The following PDIA3 variants were observed in gnomAD, a reference collection of about 807,000 sequenced individuals.
The protein encoded by PDIA3 is protein disulfide isomerase family A member 3.
A neutral mutation model predicts 56.9 loss-of-function variants in PDIA3; 16 were observed. The observed-to-expected ratio is 0.28, with a 90% confidence interval of 0.19 to 0.43. The LOEUF (loss-of-function observed/expected upper bound fraction) is 0.43, where lower values mean the gene tolerates loss of function less well. Ranked by LOEUF, PDIA3 falls within the 20% of genes least tolerant of loss-of-function variation. The pLI is 1.00. For missense variants in PDIA3, 485 were observed against 621.3 expected (o/e 0.78, Z 2.33); for synonymous variants, 192 against 216.5 (o/e 0.89, Z 0.99).
rs2086815574 is a variant in PDIA3, at chr15:43,761,443, G to A, written c.384G>A (p.Leu128=). The change falls in exon 4 of 13, where the codon TTG becomes TTA. Residue 128 remains leucine (L), a synonymous_variant. Coordinates refer to ENST00000300289, the MANE Select transcript of PDIA3 (RefSeq NM_005313.5). ...TCTAAGATGGAATTGTCAGCCACTT[G>A]AAGAAGCAGGCAGGACCAGCTTCAG... ...PRTADGIVSH[L]KKQAGPASVP... 3 of 1,592,704 alleles carry A rather than the reference G, an allele frequency of 1.9e-6. No homozygotes were observed. Among genetic ancestry groups the A allele is most frequent in the Non-Finnish European group, 2.6e-6 (3 of 1,165,714 alleles).
chr15:43,757,728 G>A (rs1363297198), intron 3 of PDIA3, among the ~76,000 whole-genome samples: 1 of 151,988 alleles, frequency 6.6e-6, no homozygotes, highest in Non-Finnish European at 1.5e-5. Flanking sequence ...TGGGCGTGGT[G>A]GCACATGCCT....
chr15:43,773,062 G>A lies in PDIA3; in HGVS notation c.*1844G>A. The A allele has an allele frequency of 6.7e-7, 1 of 1,484,948 alleles. No individual in the cohort carries two copies. Among genetic ancestry groups the A allele is most frequent in the Admixed American group, 2.1e-5 (1 of 46,624 alleles). 92.0% of individuals were successfully genotyped at this position (1,484,948 alleles called of 1,614,324 possible). On this transcript the variant is annotated 3_prime_UTR_variant, in exon 13 of 13. Coordinates refer to ENST00000300289, the MANE Select transcript of PDIA3 (RefSeq NM_005313.5). ...GTTGCATTCTATTTAGTTTATAGCT[G>A]CTTTGTTCCTTTGTGTTTCACTAAG...
In PDIA3 at chr15:43,771,322, G is replaced by A. The variant is rs947905226; in HGVS notation, c.*104G>A. Reference sequence around the variant, plus strand: ...ATGGGAATTATTACCTCTCAGGGCCGAGAGGACAGAATGGATATAATCTGA... The same window carrying A: ...ATGGGAATTATTACCTCTCAGGGCCAAGAGGACAGAATGGATATAATCTGA... On this transcript the variant is annotated 3_prime_UTR_variant, in exon 13 of 13. Transcript: ENST00000300289. 4.4e-6 allele frequency: 3 copies of A among 681,744 alleles called. No individual in the cohort carries two copies. The highest frequency in any genetic ancestry group is 3.6e-5 in the South Asian group (2 of 55,654). 42.2% of individuals were successfully genotyped at this position (681,744 alleles called of 1,614,324 possible). A position where few individuals can be genotyped will look rare whatever the true frequency, so the allele number is the denominator to read the frequency against.
At chr15:43,765,714 A>G (rs1161312530) in intron 6 of PDIA3, 148 bp downstream of exon 6, 1 of 847,068 alleles carries the variant, frequency 1.2e-6, no homozygotes, top group Non-Finnish European at 1.9e-6. Context: ...TAAAGCAGTA[A>G]TGTGTGGGTG....
chr15:43,751,608 G>A, intron 1 of PDIA3: 1 of 1,304,076 alleles, frequency 7.7e-7, no homozygotes, highest in Non-Finnish European at 1.0e-6. Context: ...GATTTGAAGA[G>A]GAGAGTCTCC....
chr15:43,762,960 C>G lies in PDIA3; in HGVS notation c.473-117C>G, dbSNP rs548471011. The G allele has an allele frequency of 4.6e-4, 456 of 990,906 alleles. 4 individuals are homozygous for G. Among genetic ancestry groups the G allele is most frequent in the Admixed American group, 2.4e-3 (105 of 43,946 alleles). The allele number at this position is 990,906 out of a possible 1,614,324, so 61.4% of individuals were successfully genotyped here. On this transcript the variant is annotated intron_variant, in intron 4 of 12. Coordinates refer to ENST00000300289, the MANE Select transcript of PDIA3 (RefSeq NM_005313.5). ...TCTGAGGTAGTCATGGCAAAGCAGACCCAGTCCTCAAAATAGAATGAAATG... is the reference window on the plus strand; with the variant it reads ...TCTGAGGTAGTCATGGCAAAGCAGAGCCAGTCCTCAAAATAGAATGAAATG...
chr15:43,747,573 TTGTG>T lies in PDIA3; in HGVS notation c.167+879_167+882del, dbSNP rs541025785. Among the ~76,000 whole-genome samples the T allele has an allele frequency of 6.4e-3, 975 of 151,504 alleles. 10 individuals carry two copies. Among genetic ancestry groups the T allele is most frequent in the African/African-American group, 0.022 (924 of 41,336 alleles). ...TTGAGTGTTTGTTTTTTTTTTTTAT[TTGTG>T]TGTGTGTGTGTTTTTAAACCTCCAG... is the stretch of plus-strand genomic sequence containing the variant. On this transcript the variant is annotated intron_variant, in intron 1 of 12. Transcript: ENST00000300289.
At chr15:43,746,800 C>A (rs1475913278) in intron 1 of PDIA3, 94 bp downstream of exon 1, 1 of 1,391,260 alleles carries the variant, frequency 7.2e-7, no homozygotes, top group East Asian at 2.3e-5. Context: ...CGCCGGGGCC[C>A]TTCATTCCTG....
Position 43,773,145 on chromosome 15 carries a change from C to T in PDIA3, c.*1927C>T, listed in dbSNP as rs1274471162. The T allele has an allele frequency of 1.2e-6, 2 of 1,612,168 alleles. No homozygotes were observed. Among genetic ancestry groups the T allele is most frequent in the Non-Finnish European group, 1.7e-6 (2 of 1,179,484 alleles). ...CTGCCCCTGTTCTTTTCCTCAAACTCCAGGATGAGACCTTTAATGTGGGAC... is the reference window on the plus strand; with the variant it reads ...CTGCCCCTGTTCTTTTCCTCAAACTTCAGGATGAGACCTTTAATGTGGGAC... On this transcript the variant is annotated 3_prime_UTR_variant, in exon 13 of 13. Coordinates refer to ENST00000300289, the MANE Select transcript of PDIA3 (RefSeq NM_005313.5).
Position 43,772,904 on chromosome 15 carries a change from T to C in PDIA3, c.*1686T>C, listed in dbSNP as rs1242865918. The C allele has an allele frequency of 9.7e-6, 4 of 412,598 alleles. No individual in the cohort carries two copies. The highest frequency in any genetic ancestry group is 4.2e-5 in the Admixed American group (1 of 23,928). 25.6% of individuals were successfully genotyped at this position (412,598 alleles called of 1,614,324 possible). A position where few individuals can be genotyped will look rare whatever the true frequency, so the allele number is the denominator to read the frequency against. On this transcript the variant is annotated 3_prime_UTR_variant, in exon 13 of 13. Transcript: ENST00000300289. Reference sequence around the variant, plus strand: ...GCCTCTGTCACTTTTCCTAGACTCCTAGGCACAGCTATGGAGTCTTTGCAC... The same window carrying C: ...GCCTCTGTCACTTTTCCTAGACTCCCAGGCACAGCTATGGAGTCTTTGCAC...
At chr15:43,757,340 C>G (rs1157083113) in intron 3 of PDIA3, among the ~76,000 whole-genome samples, 1 of 151,990 alleles carries the variant, frequency 6.6e-6, no homozygotes, top group East Asian at 1.9e-4. Flanking sequence ...AGGTGGATCA[C>G]GAGGTCAGGA....
chr15:43,754,343 G>A lies in PDIA3; in HGVS notation c.246+441G>A, dbSNP rs542393564. Among the ~76,000 whole-genome samples the A allele has an allele frequency of 3.4e-5, 5 of 146,792 alleles. No homozygotes were observed. The South Asian group carries it at 8.6e-4, about 25-fold the overall frequency. On this transcript the variant is annotated intron_variant, in intron 2 of 12. Coordinates refer to ENST00000300289, the MANE Select transcript of PDIA3 (RefSeq NM_005313.5). Reference sequence around the variant, plus strand: ...CAGGAGATGAAGGTTTCAGTGAGCCGAGATCGGGCCACTGCACTCCAGCCT... The same window carrying A: ...CAGGAGATGAAGGTTTCAGTGAGCCAAGATCGGGCCACTGCACTCCAGCCT...
Position 43,771,180 on chromosome 15 carries a change from A to G in PDIA3, c.1480A>G (p.Lys494Glu). 1 of 1,612,222 alleles carries G rather than the reference A, an allele frequency of 6.2e-7. No individual in the cohort carries two copies. The highest frequency in any genetic ancestry group is 8.5e-7 in the Non-Finnish European group (1 of 1,179,676). ...AAACCCCCCTGTAATTCAAGAAGAA[A>G]AACCCAAGAAGAAGAAGAAGGCACA... Reference protein sequence around the residue: ...ATNPPVIQEEKPKKKKKAQED... With the variant: ...ATNPPVIQEEEPKKKKKAQED... Residue 494 changes from lysine to glutamate, a missense_variant, in exon 13 of 13, where the codon AAA becomes GAA. By Grantham distance (56) the Lys-to-Glu change is moderately conservative. Transcript: ENST00000300289.
intron 4 of PDIA3, among the ~76,000 whole-genome samples, chr15:43,761,906 G>T (rs543047444): frequency 6.6e-6 from 1 of 152,050 alleles, no homozygotes; most frequent in Admixed American, 6.6e-5. Context: ...CTCACAATAG[G>T]GTAGTTATGA....
chr15:43,761,373 CA>C, intron 3 of PDIA3, 50 bp from the exon 4 acceptor site: 1 of 1,026,988 alleles, frequency 9.7e-7, no homozygotes, highest in Non-Finnish European at 1.5e-6. Context: ...ATTGCCTTCT[CA>C]AAAATTATAA....
At chr15:43,769,722 A>C (rs2086869839) in intron 10 of PDIA3, 76 bp downstream of exon 10, 4 of 1,504,390 alleles carry the variant, frequency 2.7e-6, no homozygotes, top group Non-Finnish European at 3.6e-6. Context: ...GCATTGGCTA[A>C]TTTGGTTGGT....
intron 1 of PDIA3, among the ~76,000 whole-genome samples, chr15:43,747,698 C>A (rs2086716408): frequency 6.6e-6 from 1 of 151,994 alleles, no homozygotes; most frequent in Admixed American, 6.6e-5. Context: ...TTTTCCCCTC[C>A]TGGCACAGTG....
intron 2 of PDIA3, among the ~76,000 whole-genome samples, 165 bp downstream of exon 2, chr15:43,754,067 T>A (rs1355138839): frequency 6.6e-6 from 1 of 152,240 alleles, no homozygotes; most frequent in African/African-American, 2.4e-5. Flanking sequence ...TACTAGTTTC[T>A]GGGCAAATAC....
intron 7 of PDIA3, 58 bp downstream of exon 7, chr15:43,766,070 CT>C (rs1398470195): frequency 5.6e-5 from 82 of 1,469,886 alleles, no homozygotes; most frequent in Non-Finnish European, 7.4e-5. Flanking sequence ...TAGACAGTCC[CT>C]TCTAACTATC....
Sources: gnomAD v4.1 joint callset for allele counts (sites outside exome capture counted in the v4.1 genomes callset) on GRCh38, gnomAD v4.1.1 for gene constraint, MANE v1.5 for transcripts, NCBI Gene and HGNC (gene_info 2026-07-23, HGNC 2026-07-21) for gene names.